RIMS1: variants seen among roughly 807,000 people sequenced by gnomAD.
RIMS1 encodes the protein regulating synaptic membrane exocytosis protein 1.
In RIMS1, 83 loss-of-function variants were observed where a neutral mutation model predicts 214.1. The observed-to-expected ratio is 0.39, with a 90% CI of 0.32 to 0.47. RIMS1 has a LOEUF of 0.47. RIMS1 is among the 20% of genes least tolerant of loss of function. The pLI, the probability that RIMS1 is intolerant of heterozygous loss-of-function variation, is 0.99. For missense variants in RIMS1, 2,050 were observed against 2,161.8 expected (o/e 0.95, Z 1.03); for synonymous variants, 793 against 786.8 (o/e 1.01, Z -0.13).
chr6:72,320,095 A>AC (rs2096064981), intron 28 of RIMS1, among the ~76,000 whole-genome samples: 1 of 152,220 alleles, frequency 6.6e-6, no homozygotes, highest in East Asian at 1.9e-4. Flanking sequence ...TATTTAACTT[A>AC]TCCACTTCAC....
rs139398000 is a variant in RIMS1 at position 72,011,886 on chromosome 6, G to T, written c.245+42823G>T. 2.0e-4 allele frequency among the ~76,000 whole-genome samples: 31 copies of T among 152,138 alleles called. No individual in the cohort carries two copies. The East Asian group carries it at 2.1e-3, about 10-fold the overall frequency. ...AACAGTTTTACACTGTTGGTGGGAC[G>T]GTAAACTAGCTCAACCATTGTGGAA... On this transcript the variant is annotated intron_variant, in intron 2 of 33. Transcript: ENST00000521978.
At chr6:71,896,826 C>T (rs901082629) in intron 1 of RIMS1, among the ~76,000 whole-genome samples, 3 of 152,008 alleles carry the variant, frequency 2.0e-5, no homozygotes, top group Admixed American at 6.6e-5. Context: ...CAGATGTTGG[C>T]GTTCTCATGG....
chr6:72,022,745 ACT>A (rs571677052), intron 2 of RIMS1, among the ~76,000 whole-genome samples: 2 of 152,034 alleles, frequency 1.3e-5, no homozygotes, highest in South Asian at 2.1e-4. Context: ...TGAAACAAAG[ACT>A]CTCTCTATCT....
chr6:72,069,601 C>T (rs1378631805), intron 2 of RIMS1, among the ~76,000 whole-genome samples: 1 of 152,206 alleles, frequency 6.6e-6, no homozygotes, highest in African/African-American at 2.4e-5. Flanking sequence ...TGAGCACCTG[C>T]ATTAATGCAG....
chr6:72,086,084 C>G (rs180920647), intron 2 of RIMS1, among the ~76,000 whole-genome samples: 53 of 152,258 alleles, frequency 3.5e-4, no homozygotes, highest in Middle Eastern at 6.8e-3. Context: ...TTGTCTCACT[C>G]TAAGAAAAGT....
chr6:72,182,916 T>C lies in RIMS1; in HGVS notation c.1445T>C (p.Val482Ala). 1 of 1,580,448 alleles carries C rather than the reference T, an allele frequency of 6.3e-7. No homozygotes were observed. The change falls in exon 6 of 34, where the codon GTC (valine) becomes GCC (alanine). Residue 482 changes from valine (V) to alanine (A), a missense_variant. Physicochemically the swap from Val to Ala is moderately conservative, Grantham distance 64. Coordinates refer to ENST00000521978, the MANE Select transcript of RIMS1 (RefSeq NM_014989.7). Reference protein sequence around the residue: ...KQSRLDPSSAVLMRKAKREKV... With the variant: ...KQSRLDPSSAALMRKAKREKV... ...AGCCGCCTGGACCCCAGCTCGGCGGTCCTCATGCGGAAGGCCAAGCGCGAG... is the reference window on the plus strand; with the variant it reads ...AGCCGCCTGGACCCCAGCTCGGCGGCCCTCATGCGGAAGGCCAAGCGCGAG...
chr6:72,158,612 A>G (rs919556777), intron 4 of RIMS1, among the ~76,000 whole-genome samples: 8 of 107,760 alleles, frequency 7.4e-5, no homozygotes, highest in Middle Eastern at 6.7e-3. Flanking sequence ...TCCTGTGTCC[A>G]TGTGTTCTCA....
At chr6:72,242,291 A>G in intron 9 of RIMS1, 23 bp from the exon 10 acceptor site, 1 of 1,524,094 alleles carries the variant, frequency 6.6e-7, no homozygotes, top group Non-Finnish European at 8.9e-7. Flanking sequence ...AGGTAAAAAA[A>G]TACCCTTTTT....
intron 22 of RIMS1, among the ~76,000 whole-genome samples, chr6:72,271,973 T>C (rs989868722): frequency 3.3e-5 from 5 of 151,994 alleles, no homozygotes; most frequent in Non-Finnish European, 5.9e-5. Context: ...GTGAAAGGAG[T>C]GGGCTCCCAA....
chr6:72,304,081 G>A (rs953673488), intron 26 of RIMS1, among the ~76,000 whole-genome samples: 1 of 151,192 alleles, frequency 6.6e-6, no homozygotes, highest in South Asian at 2.1e-4. Flanking sequence ...TTTAGCTCTT[G>A]ATTATGTGGC....
chr6:72,018,298 C>T (rs1196125576), intron 2 of RIMS1, among the ~76,000 whole-genome samples: 3 of 151,976 alleles, frequency 2.0e-5, no homozygotes, highest in Non-Finnish European at 4.4e-5. Context: ...GAAAAAGAGT[C>T]AAGAATAATT....
chr6:72,300,815 T>C (rs1044444970), intron 26 of RIMS1, among the ~76,000 whole-genome samples: 5 of 151,884 alleles, frequency 3.3e-5, no homozygotes, highest in African/African-American at 1.2e-4. Flanking sequence ...AAATTATGTC[T>C]GGAGTTGGAC....
intron 1 of RIMS1, among the ~76,000 whole-genome samples, chr6:71,936,178 T>C (rs1177731386): frequency 6.6e-6 from 1 of 150,998 alleles, no homozygotes; most frequent in African/African-American, 2.4e-5. Flanking sequence ...ATACAAAAAA[T>C]TAGCCGGGCG....
Position 72,160,252 on chromosome 6 carries a change from G to A in RIMS1, c.472-19323G>A, listed in dbSNP as rs2045161560. 1.5e-5 allele frequency among the ~76,000 whole-genome samples: 2 copies of A among 134,542 alleles called. 1 individual carries two copies. Among genetic ancestry groups the A allele is most frequent in the Admixed American group, 1.6e-4 (2 of 12,830 alleles). 88.3% of individuals were successfully genotyped at this position (134,542 alleles called of 152,430 possible). ...ATTGATTTTGTATCCTGAGACTGCTGAAGTTGCCTATCAGCTTAAAGAGAT... is the reference window on the plus strand; with the variant it reads ...ATTGATTTTGTATCCTGAGACTGCTAAAGTTGCCTATCAGCTTAAAGAGAT... On this transcript the variant is annotated intron_variant, in intron 4 of 33. Transcript: ENST00000521978.
intron 1 of RIMS1, among the ~76,000 whole-genome samples, chr6:71,895,688 A>AG (rs1414124434): frequency 6.8e-6 from 1 of 147,884 alleles, no homozygotes; most frequent in Non-Finnish European, 1.5e-5. Context: ...AAAAAAAAAA[A>AG]AAAAAAAAAG....
intron 2 of RIMS1, among the ~76,000 whole-genome samples, chr6:72,032,759 C>T (rs1390839063): frequency 1.3e-5 from 2 of 152,184 alleles, no homozygotes; most frequent in Admixed American, 1.3e-4. Flanking sequence ...TTTCTACCCT[C>T]TATCTCACAT....
At chr6:72,009,011 C>T (rs995449355) in intron 2 of RIMS1, among the ~76,000 whole-genome samples, 9 of 152,200 alleles carry the variant, frequency 5.9e-5, no homozygotes, top group African/African-American at 2.2e-4. Context: ...CCCAAATCAA[C>T]AGAATATACA....
At chr6:72,005,714 A>G (rs190671147) in intron 2 of RIMS1, among the ~76,000 whole-genome samples, 2 of 152,352 alleles carry the variant, frequency 1.3e-5, no homozygotes, top group African/African-American at 4.8e-5. Flanking sequence ...TGCTTATTCA[A>G]CTAAAAAACA....
chr6:72,036,528 A>G (rs1819664573), intron 2 of RIMS1, among the ~76,000 whole-genome samples: 1 of 152,208 alleles, frequency 6.6e-6, no homozygotes, highest in South Asian at 2.1e-4. Context: ...AAGCCTACAA[A>G]GTAAACAGAT....
Sources: allele counts gnomAD v4.1 joint callset (sites outside exome capture counted in the v4.1 genomes callset), GRCh38; gene constraint gnomAD v4.1.1; transcripts MANE v1.5; gene names NCBI Gene and HGNC (gene_info 2026-07-23, HGNC 2026-07-21).